SLC19A3: variants seen among roughly 807,000 people sequenced by gnomAD.
SLC19A3 encodes the protein solute carrier family 19 member 3.
In SLC19A3, 31 loss-of-function variants were observed where a neutral mutation model predicts 40.2. That is an observed-to-expected ratio of 0.77 (90% CI 0.58 to 1.04). SLC19A3 has a LOEUF of 1.04. Among genes scored for constraint, SLC19A3 ranks in the 50% least tolerant of loss-of-function variants. The probability of loss-of-function intolerance (pLI) is 0.00; values close to 1 mark genes in which losing one functional copy is unlikely to be tolerated. For synonymous variants in SLC19A3, 212 were observed against 227.5 expected (o/e 0.93, Z 0.61); for missense variants, 592 against 596.7 (o/e 0.99, Z 0.08).
intron 2 of SLC19A3, chr2:227,701,048 C>A (rs547943670): frequency 2.3e-6 from 3 of 1,304,182 alleles, no homozygotes; most frequent in South Asian, 2.5e-5. Flanking sequence ...CCAGTGGATT[C>A]ATTGAGTTGC....
intron 3 of SLC19A3, among the ~76,000 whole-genome samples, chr2:227,696,379 T>C (rs1482263555): frequency 1.3e-5 from 2 of 152,050 alleles, no homozygotes; most frequent in Non-Finnish European, 2.9e-5. Flanking sequence ...ACCACAGCAG[T>C]GTAAGGAGAA....
intron 3 of SLC19A3, among the ~76,000 whole-genome samples, chr2:227,697,270 G>T (rs1695474458): frequency 6.6e-6 from 1 of 152,146 alleles, no homozygotes; most frequent in Non-Finnish European, 1.5e-5. Flanking sequence ...CTTCCCAAAA[G>T]GGAGATAATA....
chr2:227,705,677 T>C (rs1034400056), intron 1 of SLC19A3, among the ~76,000 whole-genome samples: 8 of 152,070 alleles, frequency 5.3e-5, no homozygotes, highest in African/African-American at 1.9e-4. Context: ...TGAGAACGCA[T>C]GGACACATGG....
intron 1 of SLC19A3, among the ~76,000 whole-genome samples, chr2:227,712,467 A>T (rs1026273525): frequency 3.3e-5 from 5 of 152,256 alleles, no homozygotes; most frequent in African/African-American, 9.6e-5. Flanking sequence ...AGTAATCAGA[A>T]ATCCTAAGTT....
chr2:227,715,516 G>A (rs1451612866), intron 1 of SLC19A3, among the ~76,000 whole-genome samples: 2 of 152,126 alleles, frequency 1.3e-5, no homozygotes, highest in Non-Finnish European at 2.9e-5. Flanking sequence ...GTGAGCCACC[G>A]CACCCAGCCC....
rs201274864 is a variant in SLC19A3 at position 227,699,091 on chromosome 2, C to A, written c.624G>T (p.Lys208Asn). ...ATACTGGATTCACGCTTGATGACTT[C>A]TTTATTTCTCTGCTGGGTTTTGCAT... ...FFHAKPSREI[K>N]KSSSVNPVLE... Residue 208 changes from lysine to asparagine, a missense_variant, in exon 3 of 6, where the codon AAG becomes AAT. Coordinates refer to ENST00000644224, the MANE Select transcript of SLC19A3 (RefSeq NM_025243.4). 3.5e-5 allele frequency: 56 copies of A among 1,614,168 alleles called. No individual in the cohort carries two copies. The highest frequency in any genetic ancestry group is 1.9e-5 in the Non-Finnish European group (23 of 1,180,036).
chr2:227,708,580 AC>A (rs1696032876), intron 1 of SLC19A3, among the ~76,000 whole-genome samples: 1 of 144,626 alleles, frequency 6.9e-6, no homozygotes. Flanking sequence ...AAACAAACAA[AC>A]AAACAAACAA....
chr2:227,706,372 G>A, intron 1 of SLC19A3: 1 of 1,231,552 alleles, frequency 8.1e-7, no homozygotes, highest in Non-Finnish European at 1.0e-6. Flanking sequence ...CAAATCACAA[G>A]ATAGTCCTTT....
rs1419112093 is a variant in SLC19A3, at chr2:227,699,271, C to T, written c.444G>A (p.Leu148=). 6.2e-7 allele frequency: 1 copy of T among 1,614,048 alleles called. No individual in the cohort carries two copies. The highest frequency in any genetic ancestry group is 1.1e-5 in the South Asian group (1 of 91,084). ...GCACCGACCCTGCTGTGTAGGCGGC[C>T]AGCGTGACGCTCCTGCAGTAGCCGC... ...RVSGYCRSVT[L]AAYTAGSVLA... Residue 148 remains leucine (L), a synonymous_variant, in exon 3 of 6, where the codon CTG becomes CTA. Transcript: ENST00000644224.
chr2:227,715,970 A>C (rs903969213), intron 1 of SLC19A3, among the ~76,000 whole-genome samples: 5 of 151,808 alleles, frequency 3.3e-5, no homozygotes, highest in Non-Finnish European at 7.4e-5. Context: ...AAAAAAAAAA[A>C]AAAAATTTCA....
chr2:227,686,233 C>A lies in SLC19A3; in HGVS notation c.*1164G>T. On this transcript the variant is annotated 3_prime_UTR_variant, in exon 6 of 6. Coordinates refer to ENST00000644224, the MANE Select transcript of SLC19A3 (RefSeq NM_025243.4). ...AAACAAAATCAGGTGTTTTATTCCACTCCCCCCATCAGTGTTTTCTTATTT... is the reference window on the plus strand; with the variant it reads ...AAACAAAATCAGGTGTTTTATTCCAATCCCCCCATCAGTGTTTTCTTATTT... 1 of 379,714 alleles carries A rather than the reference C, an allele frequency of 2.6e-6. No individual in the cohort carries two copies. The allele number at this position is 379,714 out of a possible 1,614,324, so 23.5% of individuals were successfully genotyped here.
intron 1 of SLC19A3, among the ~76,000 whole-genome samples, chr2:227,709,433 A>G (rs796417610): frequency 1.4e-4 from 22 of 152,276 alleles, no homozygotes; most frequent in African/African-American, 4.8e-4. Context: ...TGCAAATGCC[A>G]AGATTGAGCA....
intron 4 of SLC19A3, among the ~76,000 whole-genome samples, chr2:227,693,559 C>A (rs1292771836): frequency 1.3e-5 from 2 of 152,112 alleles, no homozygotes; most frequent in Non-Finnish European, 2.9e-5. Context: ...TGAAAGTAGA[C>A]CCCTATCTCT....
intron 1 of SLC19A3, among the ~76,000 whole-genome samples, chr2:227,705,933 A>G (rs1695920213): frequency 6.6e-6 from 1 of 152,092 alleles, no homozygotes; most frequent in South Asian, 2.1e-4. Context: ...CTGTAATCCT[A>G]GCTACTTGGG....
At chr2:227,692,364 T>C (rs1326648942) in intron 4 of SLC19A3, among the ~76,000 whole-genome samples, 1 of 152,248 alleles carries the variant, frequency 6.6e-6, no homozygotes, top group African/African-American at 2.4e-5. Context: ...CATGACTAAG[T>C]GGGATTTATC....
rs1694938649 is a variant in SLC19A3, at chr2:227,684,044, C to A, written c.*3353G>T. The A allele has an allele frequency of 6.6e-6, 1 of 152,254 alleles. No homozygotes were observed. The highest frequency in any genetic ancestry group is 2.4e-5 in the African/African-American group (1 of 41,458). 9.4% of individuals were successfully genotyped at this position (152,254 alleles called of 1,614,324 possible). ...GAACTCCTGAACTCAAGCAATCCAC[C>A]TACCTCAGCCTCCCAAAGTGCCAGG... On this transcript the variant is annotated 3_prime_UTR_variant, in exon 6 of 6. Transcript: ENST00000644224.
intron 4 of SLC19A3, among the ~76,000 whole-genome samples, chr2:227,690,185 A>T (rs1303339512): frequency 6.6e-6 from 1 of 152,200 alleles, no homozygotes; most frequent in Non-Finnish European, 1.5e-5. Context: ...TGGATTTTTA[A>T]AAAGACCCAA....
In SLC19A3 at chr2:227,702,154, T is replaced by C; in HGVS notation, c.150+15A>G. On this transcript the variant is annotated intron_variant, in intron 2 of 5. Coordinates refer to ENST00000644224, the MANE Select transcript of SLC19A3 (RefSeq NM_025243.4). The stretch of plus-strand genomic sequence containing the variant: ...TTAAAAAACCACATTAAGATATGTA[T>C]GTATGTTAACTTACCTCTGCACTGG... 2 of 1,606,334 alleles carry C rather than the reference T, an allele frequency of 1.2e-6. No individual in the cohort carries two copies. The highest frequency in any genetic ancestry group is 1.7e-5 in the Admixed American group (1 of 59,998).
chr2:227,695,188 G>T (rs538182891), intron 4 of SLC19A3, among the ~76,000 whole-genome samples: 1 of 151,568 alleles, frequency 6.6e-6, no homozygotes, highest in Non-Finnish European at 1.5e-5. Context: ...TGTCATAAAA[G>T]TATGTGCTTA....
Sources: allele counts gnomAD v4.1 joint callset (sites outside exome capture counted in the v4.1 genomes callset), GRCh38; gene constraint gnomAD v4.1.1; transcripts MANE v1.5; gene names NCBI Gene and HGNC (gene_info 2026-07-23, HGNC 2026-07-21).